The following GABRB3 variants were observed in gnomAD, a reference collection of about 807,000 sequenced individuals.
The protein encoded by GABRB3 is gamma-aminobutyric acid type A receptor subunit beta3.
In GABRB3, 14 loss-of-function variants were observed where a neutral mutation model predicts 52.1. That is an observed-to-expected ratio of 0.27 (90% CI 0.18 to 0.42). The LOEUF (loss-of-function observed/expected upper bound fraction) is 0.42. Ranked by LOEUF, GABRB3 falls within the 10% of genes least tolerant of loss-of-function variation. The pLI is 1.00. For synonymous variants in GABRB3, 260 were observed against 232.3 expected (o/e 1.12, Z -1.08); for missense variants, 307 against 609.1 (o/e 0.50, Z 5.22).
chr15:26,682,445 G>A (rs1043126328), intron 3 of GABRB3, among the ~76,000 whole-genome samples: 1 of 152,200 alleles, frequency 6.6e-6, no homozygotes, highest in South Asian at 2.1e-4. Flanking sequence ...GAAAAGACCA[G>A]TACTGACATA....
chr15:26,741,601 C>G (rs1336085369), intron 3 of GABRB3, among the ~76,000 whole-genome samples: 2 of 151,966 alleles, frequency 1.3e-5, no homozygotes, highest in Admixed American at 6.6e-5. Flanking sequence ...AGTATATACA[C>G]CTCATTTTCG....
At chr15:26,598,157 T>C (rs564218172) in intron 4 of GABRB3, among the ~76,000 whole-genome samples, 1 of 152,140 alleles carries the variant, frequency 6.6e-6, no homozygotes, top group African/African-American at 2.4e-5. Context: ...TACACCTCCC[T>C]GAACAAAGTT....
chr15:26,584,370 C>T (rs1394961798), intron 4 of GABRB3, among the ~76,000 whole-genome samples: 4 of 152,216 alleles, frequency 2.6e-5, no homozygotes, highest in East Asian at 1.9e-4. Context: ...TGACTTTCCA[C>T]GGGAAGTGTT....
intron 3 of GABRB3, among the ~76,000 whole-genome samples, chr15:26,663,351 G>C (rs1887607565): frequency 6.6e-6 from 1 of 152,120 alleles, no homozygotes; most frequent in Non-Finnish European, 1.5e-5. Flanking sequence ...CTATAATTGT[G>C]AATTTGTCTG....
At chr15:26,772,568 G>A (rs1365617945) in intron 2 of GABRB3, 99 bp from the exon 3 acceptor site, 1 of 1,447,504 alleles carries the variant, frequency 6.9e-7, no homozygotes, top group African/African-American at 1.5e-5. Context: ...GCGGGCGAAG[G>A]GCCCCCACTC....
At chr15:26,750,908 A>G (rs779513260) in intron 3 of GABRB3, among the ~76,000 whole-genome samples, 13 of 152,212 alleles carry the variant, frequency 8.5e-5, no homozygotes, top group Admixed American at 3.3e-4. Flanking sequence ...ACATTTTGCC[A>G]AACATTTATT....
intron 3 of GABRB3, among the ~76,000 whole-genome samples, chr15:26,675,669 C>G (rs972289601): frequency 6.6e-6 from 1 of 151,976 alleles, no homozygotes; most frequent in Non-Finnish European, 1.5e-5. Context: ...GAATTTATGG[C>G]AAAAGAGCAG....
chr15:26,717,607 A>T (rs1312393350), intron 3 of GABRB3, among the ~76,000 whole-genome samples: 1 of 152,160 alleles, frequency 6.6e-6, no homozygotes, highest in Non-Finnish European at 1.5e-5. Context: ...TTTTTTAAAG[A>T]CAGCCCTTCA....
intron 4 of GABRB3, among the ~76,000 whole-genome samples, chr15:26,601,527 C>G (rs1444653172): frequency 2.0e-5 from 3 of 151,944 alleles, no homozygotes; most frequent in Non-Finnish European, 4.4e-5. Flanking sequence ...CAGAAAATAA[C>G]TAACATGATG....
At chr15:26,719,263 G>A (rs1233373505) in intron 3 of GABRB3, among the ~76,000 whole-genome samples, 2 of 152,246 alleles carry the variant, frequency 1.3e-5, no homozygotes, top group African/African-American at 4.8e-5. Context: ...AAAGAGTGAA[G>A]GAACGACCCT....
chr15:26,737,617 ATGTGTGTG>A (rs138524604), intron 3 of GABRB3, among the ~76,000 whole-genome samples: 2,419 of 149,382 alleles, frequency 0.016, 47 homozygotes, highest in African/African-American at 0.056. Context: ...ATTTACTACA[ATGTGTGTG>A]TGTGTGTGTG....
intron 4 of GABRB3, among the ~76,000 whole-genome samples, chr15:26,602,978 T>C (rs1891642676): frequency 6.6e-6 from 1 of 151,832 alleles, no homozygotes; most frequent in Admixed American, 6.6e-5. Flanking sequence ...AAACTAAAAG[T>C]TTTTTTAAAA....
At chr15:26,744,432 C>T (rs8033928) in intron 3 of GABRB3, among the ~76,000 whole-genome samples, 49 of 143,304 alleles carry the variant, frequency 3.4e-4, no homozygotes, top group South Asian at 1.8e-3. Flanking sequence ...TAACAGAAAA[C>T]TTTTTTTTTT....
At position 26,543,734 on chromosome 15, in the gene GABRB3, T is replaced by C. The variant is rs951885664; in HGVS notation, c.*4059A>G. 1 of 152,666 alleles carries C rather than the reference T, an allele frequency of 6.6e-6. No individual in the cohort carries two copies. The highest frequency in any genetic ancestry group is 2.4e-5 in the African/African-American group (1 of 41,454). 9.5% of individuals were successfully genotyped at this position (152,666 alleles called of 1,614,324 possible). On this transcript the variant is annotated 3_prime_UTR_variant, in exon 9 of 9. Coordinates refer to ENST00000311550, the MANE Select transcript of GABRB3 (RefSeq NM_000814.6). ...ATGAAATCAACATGAGAATTGATTA[T>C]GACAGCAATCGCCTATTCCTACTAG...
intron 3 of GABRB3, among the ~76,000 whole-genome samples, chr15:26,699,086 C>T (rs1327066738): frequency 6.6e-6 from 1 of 151,948 alleles, no homozygotes. Flanking sequence ...AAAACGGACA[C>T]AAAGTGCATT....
chr15:26,586,907 G>A (rs1891013410), intron 4 of GABRB3, among the ~76,000 whole-genome samples: 1 of 152,118 alleles, frequency 6.6e-6, no homozygotes, highest in Non-Finnish European at 1.5e-5. Context: ...AAAATGGGGA[G>A]GTGATGAGCA....
At chr15:26,728,214 T>C (rs1889822667) in intron 3 of GABRB3, among the ~76,000 whole-genome samples, 1 of 152,180 alleles carries the variant, frequency 6.6e-6, no homozygotes, top group Admixed American at 6.5e-5. Flanking sequence ...CACAACTGTA[T>C]CAATGAGACC....
At chr15:26,755,028 G>A (rs573713330) in intron 3 of GABRB3, among the ~76,000 whole-genome samples, 10 of 128,130 alleles carry the variant, frequency 7.8e-5, no homozygotes, top group Admixed American at 2.7e-4. Context: ...TTTTTGAGAC[G>A]GAGTCTCGCT....
intron 3 of GABRB3, among the ~76,000 whole-genome samples, chr15:26,704,836 A>C (rs1274721367): frequency 6.6e-6 from 1 of 152,110 alleles, no homozygotes; most frequent in East Asian, 1.9e-4. Context: ...ATCACTGCCA[A>C]CACCACTTAG....
Sources: gnomAD v4.1 joint callset for allele counts (sites outside exome capture counted in the v4.1 genomes callset) on GRCh38, gnomAD v4.1.1 for gene constraint, MANE v1.5 for transcripts, NCBI Gene and HGNC (gene_info 2026-07-23, HGNC 2026-07-21) for gene names.